The following DIAPH2 variants were observed in gnomAD, a reference collection of about 807,000 sequenced individuals.
DIAPH2 encodes protein diaphanous homolog 2.
Under a neutral mutation model 92.7 loss-of-function variants are expected in DIAPH2, and 35 were observed. The observed-to-expected ratio is 0.38, with a 90% confidence interval of 0.29 to 0.50. The LOEUF (loss-of-function observed/expected upper bound fraction) is 0.50, where lower values mean the gene tolerates loss of function less well. Ranked by LOEUF, DIAPH2 falls within the 20% of genes least tolerant of loss-of-function variation. The pLI, the probability that DIAPH2 is intolerant of heterozygous loss-of-function variation, is 0.94. For missense variants in DIAPH2, 701 were observed against 819.5 expected, an observed-to-expected ratio of 0.86 and a Z score of 1.77; for synonymous variants, 301 against 280.4, an observed-to-expected ratio of 1.07 and a Z score of -0.73.
At chrX:97,010,353 G>T (rs948270868) in intron 17 of DIAPH2, among the ~76,000 whole-genome samples, 2 of 111,044 alleles carry the variant, frequency 1.8e-5, no homozygotes, top group South Asian at 3.9e-4. Flanking sequence ...GGATAGGGAT[G>T]GGGGGGATGG....
chrX:97,457,909 C>T (rs2070421984), intron 26 of DIAPH2, among the ~76,000 whole-genome samples: 3 of 111,622 alleles, frequency 2.7e-5, no homozygotes, highest in South Asian at 7.6e-4. Flanking sequence ...TGATATTAGA[C>T]GTCCCAGCCC....
intron 24 of DIAPH2, among the ~76,000 whole-genome samples, chrX:97,372,398 A>G (rs2069456284): frequency 8.9e-6 from 1 of 112,516 alleles, no homozygotes. Context: ...TGTCAAACCT[A>G]CAGATATGTA....
chrX:97,294,274 A>G (rs1051598230), intron 23 of DIAPH2, among the ~76,000 whole-genome samples: 1 of 112,020 alleles, frequency 8.9e-6, no homozygotes, highest in Non-Finnish European at 1.9e-5. Flanking sequence ...GTGCCAGCCT[A>G]TCTAAGCAAG....
intron 25 of DIAPH2, among the ~76,000 whole-genome samples, chrX:97,409,751 A>T (rs2069848580): frequency 8.9e-6 from 1 of 112,406 alleles, no homozygotes; most frequent in African/African-American, 3.2e-5. Context: ...CCCCACGCTC[A>T]CGGAGCCTTG....
In DIAPH2 at chrX:96,685,197, G is replaced by C; in HGVS notation, c.132+7G>C. 2 of 992,751 alleles carry C rather than the reference G, an allele frequency of 2.0e-6. No individual in the cohort carries two copies. Among genetic ancestry groups the C allele is most frequent in the Admixed American group, 4.2e-5 (1 of 23,622 alleles). 81.8% of individuals were successfully genotyped at this position (992,751 alleles called of 1,213,427 possible). ...GAAAAACAAACCCAAATTGGTGAGT[G>C]CTCCCGCAGCCCCCGCCGGCCTTAG... On this transcript the variant is annotated splice_region_variant and intron_variant, in intron 1 of 26. Transcript: ENST00000324765.
intron 26 of DIAPH2, among the ~76,000 whole-genome samples, chrX:97,589,316 C>CAA (rs35492535): frequency 9.6e-4 from 31 of 32,362 alleles, no homozygotes; most frequent in African/African-American, 2.8e-3. Flanking sequence ...GACTCCATCT[C>CAA]AAAAAAAAAA....
At chrX:96,851,845 A>G (rs1285173765) in intron 4 of DIAPH2, among the ~76,000 whole-genome samples, 2 of 112,595 alleles carry the variant, frequency 1.8e-5, no homozygotes, top group Non-Finnish European at 3.7e-5. Flanking sequence ...TAACTACAAC[A>G]TACTGTAATT....
chrX:97,333,165 T>G (rs1271146265), intron 23 of DIAPH2, among the ~76,000 whole-genome samples: 2 of 111,846 alleles, frequency 1.8e-5, no homozygotes, highest in Non-Finnish European at 3.8e-5. Context: ...AAGGGAGCCT[T>G]GTTAAAGTAC....
chrX:97,558,829 A>C (rs1204828502), intron 26 of DIAPH2, among the ~76,000 whole-genome samples: 2 of 112,178 alleles, frequency 1.8e-5, no homozygotes, highest in African/African-American at 6.5e-5. Flanking sequence ...GTTATAGACT[A>C]CAGCACCTGT....
Position 97,253,623 on chromosome X carries a change from G to A in DIAPH2, c.2844+5784G>A, listed in dbSNP as rs1048152501. Reference sequence around the variant, plus strand: ...AAATTAGCCAGGCATGGTGGTGCACGCCTGTAATCCCAGCTACTCAGGAGG... The same window carrying A: ...AAATTAGCCAGGCATGGTGGTGCACACCTGTAATCCCAGCTACTCAGGAGG... On this transcript the variant is annotated intron_variant, in intron 23 of 26. Transcript: ENST00000324765. Among the ~76,000 whole-genome samples the A allele has an allele frequency of 8.2e-5, 9 of 110,197 alleles. No homozygotes were observed. The East Asian group carries it at 1.4e-3, about 17-fold the overall frequency.
intron 4 of DIAPH2, among the ~76,000 whole-genome samples, chrX:96,813,158 G>GTCTCTTT (rs2064700058): frequency 9.0e-6 from 1 of 111,195 alleles, no homozygotes. Flanking sequence ...GGGAGTCTAA[G>GTCTCTTT]TCTCTTTGTA....
At chrX:97,596,232 T>C (rs2071550397) in intron 26 of DIAPH2, among the ~76,000 whole-genome samples, 1 of 111,758 alleles carries the variant, frequency 8.9e-6, no homozygotes, top group Non-Finnish European at 1.9e-5. Flanking sequence ...ATGAAGCAGA[T>C]GAAGAATATG....
At chrX:97,383,851 A>G (rs1229692699) in intron 24 of DIAPH2, 58 bp from the exon 25 acceptor site, 3 of 1,027,860 alleles carry the variant, frequency 2.9e-6, no homozygotes, top group Non-Finnish European at 3.9e-6. Context: ...AAACTGTGCA[A>G]TGTCTCTATT....
chrX:96,939,424 CGGATATTAAA>C (rs780383028), intron 12 of DIAPH2, 42 bp downstream of exon 12: 2 of 575,982 alleles, frequency 3.5e-6, no homozygotes, highest in East Asian at 8.0e-5. Context: ...TAATTTGAAT[CGGATATTAAA>C]GGAAAATGAA....
intron 25 of DIAPH2, among the ~76,000 whole-genome samples, chrX:97,393,642 A>T (rs2069679922): frequency 8.9e-6 from 1 of 112,111 alleles, no homozygotes; most frequent in Non-Finnish European, 1.9e-5. Flanking sequence ...GGACCACTAA[A>T]AAAAAGATTA....
chrX:97,244,441 G>A (rs2068122534), intron 22 of DIAPH2, among the ~76,000 whole-genome samples: 1 of 111,847 alleles, frequency 8.9e-6, no homozygotes, highest in African/African-American at 3.2e-5. Context: ...ATTACAGAAA[G>A]TTAGGGAGGA....
At chrX:97,421,679 T>A (rs1283566770) in intron 25 of DIAPH2, among the ~76,000 whole-genome samples, 1 of 111,994 alleles carries the variant, frequency 8.9e-6, no homozygotes, top group Non-Finnish European at 1.9e-5. Context: ...ATTGTATTTG[T>A]CATATAATTG....
intron 26 of DIAPH2, among the ~76,000 whole-genome samples, chrX:97,472,537 C>T (rs1306753619): frequency 8.9e-6 from 1 of 112,401 alleles, no homozygotes; most frequent in East Asian, 2.8e-4. Flanking sequence ...GTGTGGGTCA[C>T]ACAGGGATTT....
intron 4 of DIAPH2, among the ~76,000 whole-genome samples, chrX:96,851,606 A>AG (rs2065006839): frequency 8.9e-6 from 1 of 112,202 alleles, no homozygotes; most frequent in Non-Finnish European, 1.9e-5. Context: ...TAGCAGCTAT[A>AG]CTGTATTGTC....
Sources: gnomAD v4.1 joint callset for allele counts (sites outside exome capture counted in the v4.1 genomes callset) on GRCh38, gnomAD v4.1.1 for gene constraint, MANE v1.5 for transcripts, NCBI Gene and HGNC (gene_info 2026-07-23, HGNC 2026-07-21) for gene names.